The following CAMK1D variants were observed in gnomAD, a reference collection of about 807,000 sequenced individuals.
The protein encoded by CAMK1D is calcium/calmodulin-dependent protein kinase type 1D.
A neutral mutation model predicts 47.7 loss-of-function variants in CAMK1D; 9 were observed. The ratio of observed to expected loss-of-function variants is 0.19; its 90% CI spans 0.11 to 0.33. CAMK1D has a LOEUF of 0.33. Ranked by LOEUF, CAMK1D falls within the 10% of genes least tolerant of loss-of-function variation. The pLI is 1.00. For synonymous variants in CAMK1D, 184 were observed against 184.9 expected, an observed-to-expected ratio of 0.99 and a Z score of 0.04; for missense variants, 291 against 488.7, an observed-to-expected ratio of 0.60 and a Z score of 3.81.
intron 1 of CAMK1D, among the ~76,000 whole-genome samples, chr10:12,547,102 T>C (rs1341633190): frequency 1.3e-5 from 2 of 151,826 alleles, no homozygotes; most frequent in East Asian, 1.9e-4. Flanking sequence ...TGGGGGCCCA[T>C]TGATGTTTGA....
At chr10:12,394,498 A>C (rs1030427351) in intron 1 of CAMK1D, among the ~76,000 whole-genome samples, 1 of 152,110 alleles carries the variant, frequency 6.6e-6, no homozygotes, top group African/African-American at 2.4e-5. Flanking sequence ...CATTGGCATA[A>C]ACTTAGGTAT....
intron 2 of CAMK1D, among the ~76,000 whole-genome samples, chr10:12,659,034 C>T (rs1840198063): frequency 1.3e-5 from 2 of 152,162 alleles, no homozygotes; most frequent in African/African-American, 2.4e-5. Context: ...ACTGGGGCTT[C>T]GGAAGCTGTA....
At chr10:12,741,649 C>T (rs56690801) in intron 3 of CAMK1D, among the ~76,000 whole-genome samples, 14,898 of 152,156 alleles carry the variant, frequency 0.098, 2,173 homozygotes, top group African/African-American at 0.32. Context: ...TGTCTTAGGT[C>T]GGTTTCCCTG....
chr10:12,638,256 G>T (rs1239289749), intron 2 of CAMK1D, among the ~76,000 whole-genome samples: 1 of 152,176 alleles, frequency 6.6e-6, no homozygotes, highest in Non-Finnish European at 1.5e-5. Flanking sequence ...GGCCCTCCCA[G>T]GTCTCTTTAG....
At chr10:12,454,179 T>C (rs1235235309) in intron 1 of CAMK1D, among the ~76,000 whole-genome samples, 1 of 152,230 alleles carries the variant, frequency 6.6e-6, no homozygotes, top group African/African-American at 2.4e-5. Flanking sequence ...TTGTTTGTTT[T>C]CGCGATGGAG....
intron 2 of CAMK1D, among the ~76,000 whole-genome samples, chr10:12,599,412 C>G (rs1245421961): frequency 1.3e-5 from 2 of 152,098 alleles, no homozygotes. Flanking sequence ...ATGTGGCTCA[C>G]TGGATCCTAG....
intron 1 of CAMK1D, among the ~76,000 whole-genome samples, chr10:12,479,661 T>C (rs968786639): frequency 6.6e-6 from 1 of 152,136 alleles, no homozygotes; most frequent in African/African-American, 2.4e-5. Flanking sequence ...CTCTGGCCTT[T>C]AGAGTATGTA....
chr10:12,649,796 T>C (rs1014749922), intron 2 of CAMK1D, among the ~76,000 whole-genome samples: 3 of 152,190 alleles, frequency 2.0e-5, no homozygotes, highest in Non-Finnish European at 2.9e-5. Context: ...ACATTTACAC[T>C]CTGGTCAAAT....
At chr10:12,430,762 A>G (rs1832445980) in intron 1 of CAMK1D, among the ~76,000 whole-genome samples, 1 of 151,902 alleles carries the variant, frequency 6.6e-6, no homozygotes, top group South Asian at 2.1e-4. Flanking sequence ...GATGATGATG[A>G]TTTTTTAAGA....
intron 5 of CAMK1D, among the ~76,000 whole-genome samples, chr10:12,780,237 G>A (rs1043625040): frequency 6.6e-6 from 1 of 152,078 alleles, no homozygotes; most frequent in Non-Finnish European, 1.5e-5. Context: ...CAGTGTTGGG[G>A]CGAGGACCTC....
chr10:12,675,010 G>A (rs1350446470), intron 3 of CAMK1D, among the ~76,000 whole-genome samples: 1 of 132,836 alleles, frequency 7.5e-6, no homozygotes, highest in Non-Finnish European at 1.5e-5. Context: ...CAGCCTGGGC[G>A]ACAGAGCGAG....
rs144142758 is a variant in CAMK1D at position 12,765,950 on chromosome 10, A to ATTTGGG, written c.439-3722_439-3721insTTGGGT. ...AGGGCATGAAAAGCTGGCTGCCCCCATCCTAATCTTTTTTTTTTTTTTTTT... is the reference window on the plus strand; with the variant it reads ...AGGGCATGAAAAGCTGGCTGCCCCCATTTGGGTCCTAATCTTTTTTTTTTTTTTTTT... On this transcript the variant is annotated intron_variant, in intron 4 of 10. Coordinates refer to ENST00000619168, the MANE Select transcript of CAMK1D (RefSeq NM_153498.4). Among the ~76,000 whole-genome samples, 1,343 of 141,750 alleles carry ATTTGGG rather than the reference A, an allele frequency of 9.5e-3. 23 individuals are homozygous for ATTTGGG. Among genetic ancestry groups the ATTTGGG allele is most frequent in the African/African-American group, 0.033 (1,260 of 38,160 alleles). The allele number at this position is 141,750 out of a possible 152,430, so 93.0% of individuals were successfully genotyped here. A position where few individuals can be genotyped will look rare whatever the true frequency, so the allele number is the denominator to read the frequency against.
At chr10:12,421,907 C>G (rs1588468162) in intron 1 of CAMK1D, among the ~76,000 whole-genome samples, 1 of 151,816 alleles carries the variant, frequency 6.6e-6, no homozygotes, top group East Asian at 1.9e-4. Context: ...GCCTTCGCCT[C>G]CTGGGTTCAG....
At chr10:12,637,211 A>G (rs1190461854) in intron 2 of CAMK1D, among the ~76,000 whole-genome samples, 1 of 151,730 alleles carries the variant, frequency 6.6e-6, no homozygotes, top group Non-Finnish European at 1.5e-5. Context: ...GCCTCATGTG[A>G]TCCACCCGCC....
At chr10:12,362,036 ACT>A (rs1330040884) in intron 1 of CAMK1D, among the ~76,000 whole-genome samples, 1 of 151,638 alleles carries the variant, frequency 6.6e-6, no homozygotes, top group African/African-American at 2.4e-5. Flanking sequence ...TGCCTATTAA[ACT>A]CTCTGCTCCT....
intron 2 of CAMK1D, among the ~76,000 whole-genome samples, chr10:12,580,650 T>C (rs540143335): frequency 3.0e-4 from 45 of 152,174 alleles, no homozygotes; most frequent in African/African-American, 1.0e-3. Context: ...AAAACAGAAG[T>C]CATGGAGAAC....
At chr10:12,697,610 G>A (rs906298003) in intron 3 of CAMK1D, among the ~76,000 whole-genome samples, 18 of 152,220 alleles carry the variant, frequency 1.2e-4, no homozygotes, top group African/African-American at 3.9e-4. Context: ...TGTTGGCCAG[G>A]TTGGTCTCAA....
chr10:12,778,602 C>T (rs1837366269), intron 5 of CAMK1D, among the ~76,000 whole-genome samples: 1 of 152,182 alleles, frequency 6.6e-6, no homozygotes, highest in Admixed American at 6.5e-5. Context: ...GAAGGCTGGG[C>T]ACAGTGGCTC....
intron 2 of CAMK1D, among the ~76,000 whole-genome samples, chr10:12,608,165 T>C (rs559816021): frequency 6.6e-6 from 1 of 152,328 alleles, no homozygotes; most frequent in Admixed American, 6.5e-5. Flanking sequence ...GCGCCTGTAA[T>C]CCCAGCACTT....
Sources: allele counts gnomAD v4.1 joint callset (sites outside exome capture counted in the v4.1 genomes callset), GRCh38; gene constraint gnomAD v4.1.1; transcripts MANE v1.5; gene names NCBI Gene and HGNC (gene_info 2026-07-23, HGNC 2026-07-21).